The following PSMD8 variants were observed in gnomAD, a reference collection of about 807,000 sequenced individuals.
PSMD8 encodes proteasome 26S subunit, non-ATPase 8.
In PSMD8, 30 loss-of-function variants were observed where a neutral mutation model predicts 40.0. That is an observed-to-expected ratio of 0.75 (90% confidence interval 0.56 to 1.02). The LOEUF is 1.02. Among genes scored for constraint, PSMD8 ranks in the 50% least tolerant of loss-of-function variants. The pLI, the probability that PSMD8 is intolerant of heterozygous loss-of-function variation, is 0.00. For missense variants in PSMD8, 461 were observed against 463.9 expected (o/e 0.99, Z 0.06); for synonymous variants, 208 against 192.5 (o/e 1.08, Z -0.67).
chr19:38,374,711 C>G lies in PSMD8; in HGVS notation c.110C>G (p.Ser37Cys), dbSNP rs1320955894. ...VAPPRALGSTSRPHFRRASVC... is the reference protein window; with the variant it reads ...VAPPRALGSTCRPHFRRASVC... The stretch of plus-strand genomic sequence containing the variant: ...CCGCCCCGGGCCTTGGGCTCCACCT[C>G]TCGGCCCCACTTCCGCCGGGCAAGC... The change falls in exon 1 of 7, where the codon TCT becomes TGT. Residue 37 changes from serine to cysteine, a missense_variant. Physicochemically the swap from Ser to Cys is moderately radical, Grantham distance 112 (BLOSUM62 -1). Coordinates refer to ENST00000215071, the MANE Select transcript of PSMD8 (RefSeq NM_002812.5). The G allele has an allele frequency of 6.5e-7, 1 of 1,545,654 alleles. No individual in the cohort carries two copies. Among genetic ancestry groups the G allele is most frequent in the African/African-American group, 1.4e-5 (1 of 73,238 alleles).
At chr19:38,379,552 C>A in intron 4 of PSMD8, 147 bp downstream of exon 4, 4 of 882,558 alleles carry the variant, frequency 4.5e-6, no homozygotes, top group Non-Finnish European at 6.9e-6. Context: ...AATACTGAGT[C>A]CCAGCTGTGT....
intron 3 of PSMD8, among the ~76,000 whole-genome samples, chr19:38,377,379 T>TG (rs767184796): frequency 1.6e-4 from 24 of 152,022 alleles, no homozygotes; most frequent in East Asian, 1.2e-3. Context: ...TTTGTAGAGA[T>TG]GGGGGTCTCG....
At chr19:38,382,913 G>GAA in intron 6 of PSMD8, 1 of 251,026 alleles carries the variant, frequency 4.0e-6, no homozygotes, top group Non-Finnish European at 7.8e-6. Flanking sequence ...CTCTGTCTGG[G>GAA]GAAAAAAAAA....
Position 38,374,654 on chromosome 19 carries a change from C to G in PSMD8, c.53C>G (p.Ala18Gly), listed in dbSNP as rs1167240255. 4 of 1,517,260 alleles carry G rather than the reference C, an allele frequency of 2.6e-6. No homozygotes were observed. In the African/African-American group the frequency reaches 5.7e-5, roughly 22 times the overall value. The allele number at this position is 1,517,260 out of a possible 1,614,324, so 94.0% of individuals were successfully genotyped here. The change falls in exon 1 of 7, where the codon GCT becomes GGT. Residue 18 changes from alanine to glycine, a missense_variant. Around this residue, in one of 2 missense-constraint regions of PSMD8, gnomAD observed 225 missense variants for 142.7 expected, o/e 1.58. Transcript: ENST00000215071. The stretch of plus-strand genomic sequence containing the variant: ...GCGCCACCTCGAGAGCGACGGCGGG[C>G]TACCCGGGGCGGGCTGAGGCAGGTT... ...PRAPPRERRR[A>G]TRGGLRQVVA...
In PSMD8 at chr19:38,383,442, C is replaced by T. The variant is rs1176936554; in HGVS notation, c.*52C>T. ...GCACGAGTTATTTAAAACAGTTACA[C>T]TGCAGGGTTTCGCCCAATAAAGGTG... On this transcript the variant is annotated 3_prime_UTR_variant, in exon 7 of 7. Transcript: ENST00000215071. 1.4e-5 allele frequency: 23 copies of T among 1,608,088 alleles called. No homozygotes were observed. Among genetic ancestry groups the T allele is most frequent in the Non-Finnish European group, 1.9e-5 (22 of 1,175,358 alleles).
intron 5 of PSMD8, 88 bp downstream of exon 5, chr19:38,381,087 TGGTTGTCTG>T: frequency 9.2e-7 from 1 of 1,088,026 alleles, no homozygotes; most frequent in Non-Finnish European, 1.3e-6. Context: ...TTCCAGCCAT[TGGTTGTCTG>T]GGTAGGCTAG....
rs559958208 is a variant in PSMD8 at position 38,376,418 on chromosome 19, A to T, written c.500A>T (p.Tyr167Phe). 6.4e-7 allele frequency: 1 copy of T among 1,552,332 alleles called. No individual in the cohort carries two copies. The highest frequency in any genetic ancestry group is 2.0e-5 in the Admixed American group (1 of 51,080). The change falls in exon 3 of 7, where the codon TAC becomes TTC. Residue 167 changes from tyrosine to phenylalanine, a missense_variant. By Grantham distance (22) the Tyr-to-Phe change is conservative. Transcript: ENST00000215071. ...LRKDIPSFER[Y>F]MAQLKCYYFD... ...AAGGACATCCCCTCCTTCGAGCGCTACATGGCCCAGCTCAAATGCTACTAC... is the reference window on the plus strand; with the variant it reads ...AAGGACATCCCCTCCTTCGAGCGCTTCATGGCCCAGCTCAAATGCTACTAC...
intron 6 of PSMD8, 170 bp downstream of exon 6, chr19:38,382,398 A>C: frequency 1.6e-6 from 1 of 642,028 alleles, no homozygotes; most frequent in Non-Finnish European, 2.8e-6. Context: ...TATCCACAGA[A>C]TGGGGCTAGA....
rs1339013826 is a variant in PSMD8, at chr19:38,374,821, G to C, written c.220G>C (p.Gly74Arg). ...MAAAAVNGAA[G>R]FSSSGPAATS... The stretch of plus-strand genomic sequence containing the variant: ...GGCCGCGGCGGTGAACGGGGCGGCA[G>C]GCTTCTCGAGCTCCGGGCCCGCGGC... Residue 74 changes from glycine (G) to arginine (R), a missense_variant, in exon 1 of 7, where the codon GGC (glycine) becomes CGC (arginine). Gly to Arg is a moderately radical substitution (Grantham distance 125). Transcript: ENST00000215071. 2 of 1,574,462 alleles carry C rather than the reference G, an allele frequency of 1.3e-6. No individual in the cohort carries two copies. The highest frequency in any genetic ancestry group is 4.6e-5 in the East Asian group (2 of 43,350).
chr19:38,381,981 TAAA>T (rs1047300348), intron 5 of PSMD8, 133 bp from the exon 6 acceptor site: 1 of 645,220 alleles, frequency 1.5e-6, no homozygotes, highest in African/African-American at 1.8e-5. Context: ...CCTTGATGAA[TAAA>T]ACAGGGCCCT....
At chr19:38,377,557 T>G (rs1364684524) in intron 3 of PSMD8, among the ~76,000 whole-genome samples, 1 of 151,680 alleles carries the variant, frequency 6.6e-6, no homozygotes, top group Non-Finnish European at 1.5e-5. Context: ...AGTGCAATGG[T>G]GCAATCTCGG....
At position 38,381,011 on chromosome 19, in the gene PSMD8, G is replaced by T; in HGVS notation, c.803+12G>T. On this transcript the variant is annotated intron_variant, in intron 5 of 6. Transcript: ENST00000215071. ...CTCGACACTATCAGGTGCGTAGCGGGGCCGGGCCCTGTGGAGTTTGGAAAG... is the reference window on the plus strand; with the variant it reads ...CTCGACACTATCAGGTGCGTAGCGGTGCCGGGCCCTGTGGAGTTTGGAAAG... 2 of 1,545,118 alleles carry T rather than the reference G, an allele frequency of 1.3e-6. No individual in the cohort carries two copies. The highest frequency in any genetic ancestry group is 1.7e-6 in the Non-Finnish European group (2 of 1,143,160).
chr19:38,380,829 G>A, intron 4 of PSMD8, 70 bp from the exon 5 acceptor site: 2 of 1,226,422 alleles, frequency 1.6e-6, no homozygotes, highest in Non-Finnish European at 2.3e-6. Flanking sequence ...GTGTGATGAG[G>A]CCCACACAGG....
chr19:38,374,664 C>A lies in PSMD8; in HGVS notation c.63C>A (p.Gly21=), dbSNP rs1487379093. ...GAGAGCGACGGCGGGCTACCCGGGG[C>A]GGGCTGAGGCAGGTTGTAGCCCCGC... ...PPRERRRATR[G]GLRQVVAPPR... The change falls in exon 1 of 7, where the codon GGC becomes GGA. Residue 21 remains glycine (G), a synonymous_variant. Transcript: ENST00000215071. 6.6e-7 allele frequency: 1 copy of A among 1,522,110 alleles called. No homozygotes were observed. The highest frequency in any genetic ancestry group is 2.5e-5 in the East Asian group (1 of 40,692). The allele number at this position is 1,522,110 out of a possible 1,614,324, so 94.3% of individuals were successfully genotyped here. A position where few individuals can be genotyped will look rare whatever the true frequency, so the allele number is the denominator to read the frequency against.
In PSMD8 at chr19:38,383,658, C is replaced by T; in HGVS notation, c.*268C>T. 2.0e-6 allele frequency: 1 copy of T among 497,428 alleles called. No individual in the cohort carries two copies. The highest frequency in any genetic ancestry group is 3.6e-5 in the East Asian group (1 of 28,030). 30.8% of individuals were successfully genotyped at this position (497,428 alleles called of 1,614,324 possible). A position where few individuals can be genotyped will look rare whatever the true frequency, so the allele number is the denominator to read the frequency against. ...GACGCCCACTGTGGGGCCCCAGCAG[C>T]ACTGTGGCCTGCAGGAGGGCATGGC... On this transcript the variant is annotated 3_prime_UTR_variant, in exon 7 of 7. Coordinates refer to ENST00000215071, the MANE Select transcript of PSMD8 (RefSeq NM_002812.5).
chr19:38,379,469 G>A, intron 4 of PSMD8, 64 bp downstream of exon 4: 1 of 1,555,124 alleles, frequency 6.4e-7, no homozygotes, highest in South Asian at 1.1e-5. Flanking sequence ...GGTCTTAGGA[G>A]GGCTTTCCTG....
intron 5 of PSMD8, among the ~76,000 whole-genome samples, chr19:38,381,604 A>G (rs1970640904): frequency 6.6e-6 from 1 of 152,114 alleles, no homozygotes. Flanking sequence ...AGTACCCACT[A>G]CCTACCGCAT....
Position 38,379,245 on chromosome 19 carries a change from A to T in PSMD8, c.542A>T (p.Gln181Leu), listed in dbSNP as rs754832996. 1.2e-6 allele frequency: 2 copies of T among 1,613,458 alleles called. No homozygotes were observed. Among genetic ancestry groups the T allele is most frequent in the Non-Finnish European group, 8.5e-7 (1 of 1,179,820 alleles). Reference sequence around the variant, plus strand: ...TCCCCATCCCACGTCCACAGGGAGCAGCTCCCCGAGTCAGCCTATATGCAC... The same window carrying T: ...TCCCCATCCCACGTCCACAGGGAGCTGCTCCCCGAGTCAGCCTATATGCAC... ...LKCYYFDYKE[Q>L]LPESAYMHQL... Residue 181 changes from glutamine (Q) to leucine (L), a missense_variant, in exon 4 of 7, where the codon CAG becomes CTG. This residue lies in a region of PSMD8 where 236 missense variants were observed against 321.2 expected (regional missense o/e 0.73). Transcript: ENST00000215071.
At chr19:38,382,280 A>T (rs922644512) in intron 6 of PSMD8, 52 bp downstream of exon 6, 2 of 1,415,246 alleles carry the variant, frequency 1.4e-6, no homozygotes, top group Non-Finnish European at 9.8e-7. Flanking sequence ...GAAGTCACTA[A>T]CAACAGTGTG....
Sources: allele counts gnomAD v4.1 joint callset (sites outside exome capture counted in the v4.1 genomes callset), GRCh38; gene constraint gnomAD v4.1.1; regional missense constraint gnomAD v4.1.1; transcripts MANE v1.5; gene names NCBI Gene and HGNC (gene_info 2026-07-23, HGNC 2026-07-21).